AHI1: variants seen among roughly 807,000 people sequenced by gnomAD.
The protein encoded by AHI1 is jouberin.
Under a neutral mutation model 149.3 loss-of-function variants are expected in AHI1, and 123 were observed. The ratio of observed to expected loss-of-function variants is 0.82; its 90% CI spans 0.71 to 0.96. The LOEUF (loss-of-function observed/expected upper bound fraction) is 0.96, where lower values mean the gene tolerates loss of function less well. Ranked by LOEUF, AHI1 falls within the 40% of genes least tolerant of loss-of-function variation. AHI1 has a pLI of 0.00. For missense variants in AHI1, 1,439 were observed against 1,422.7 expected (o/e 1.01, Z -0.18); for synonymous variants, 475 against 459.8 (o/e 1.03, Z -0.42).
intron 22 of AHI1, among the ~76,000 whole-genome samples, chr6:135,398,711 C>G (rs938576301): frequency 6.6e-6 from 1 of 152,136 alleles, no homozygotes; most frequent in African/African-American, 2.4e-5. Context: ...TAGTTCACTG[C>G]CTTGCTTCAC....
At chr6:135,303,903 C>G (rs1471544874) in intron 26 of AHI1, among the ~76,000 whole-genome samples, 1 of 152,156 alleles carries the variant, frequency 6.6e-6, no homozygotes, top group East Asian at 1.9e-4. Flanking sequence ...TATACAAGCT[C>G]TAAACAAGAC....
chr6:135,477,580 C>T (rs570864821), intron 5 of AHI1, among the ~76,000 whole-genome samples: 3 of 152,156 alleles, frequency 2.0e-5, no homozygotes, highest in East Asian at 1.9e-4. Flanking sequence ...ATCATGGGGA[C>T]GGATATCCCC....
At position 135,459,248 on chromosome 6, in the gene AHI1, T is replaced by C. The variant is rs116400168; in HGVS notation, c.932-1535A>G. Among the ~76,000 whole-genome samples the C allele has an allele frequency of 3.5e-3, 527 of 152,250 alleles. 3 individuals carry two copies. The highest frequency in any genetic ancestry group is 0.012 in the African/African-American group (480 of 41,548). On this transcript the variant is annotated intron_variant, in intron 8 of 28. Transcript: ENST00000265602. ...GATAACTAGAAAAGCATCTGCTGCC[T>C]GAAACTAAGCAACATACTTCTAAAT...
Position 135,315,384 on chromosome 6 carries a change from G to T in AHI1, c.3426+3135C>A, listed in dbSNP as rs1785789022. ...CCGTGTGATGCTATGCCTCTACCTG[G>T]GCCCCGGTAGCTTGCTGTAACCTTG... On this transcript the variant is annotated intron_variant, in intron 26 of 28. Coordinates refer to ENST00000265602, the MANE Select transcript of AHI1 (RefSeq NM_001134831.2). 2.6e-5 allele frequency among the ~76,000 whole-genome samples: 4 copies of T among 152,228 alleles called. No homozygotes were observed. The South Asian group carries it at 8.3e-4, about 32-fold the overall frequency.
chr6:135,347,450 A>C (rs1273066957), intron 24 of AHI1, among the ~76,000 whole-genome samples: 1 of 152,150 alleles, frequency 6.6e-6, no homozygotes, highest in African/African-American at 2.4e-5. Context: ...GCTTTTAGAG[A>C]GTTAATATTT....
At chr6:135,309,273 C>A (rs573567514) in intron 26 of AHI1, among the ~76,000 whole-genome samples, 1 of 152,276 alleles carries the variant, frequency 6.6e-6, no homozygotes, top group East Asian at 1.9e-4. Context: ...TGTTACATCA[C>A]TGGGATACCA....
intron 15 of AHI1, 80 bp downstream of exon 15, chr6:135,438,295 G>A (rs906935213): frequency 3.1e-6 from 4 of 1,290,606 alleles, no homozygotes; most frequent in Admixed American, 5.2e-5. Context: ...GAGCATAAGA[G>A]TAGTTACATC....
chr6:135,395,860 A>ATT (rs3840170), intron 22 of AHI1, among the ~76,000 whole-genome samples: 6 of 151,460 alleles, frequency 4.0e-5, no homozygotes, highest in Non-Finnish European at 8.9e-5. Context: ...CCCCTTTCCC[A>ATT]TTTTTTTGTT....
intron 7 of AHI1, among the ~76,000 whole-genome samples, chr6:135,464,874 CAG>C (rs1451388448): frequency 2.0e-5 from 3 of 152,194 alleles, no homozygotes; most frequent in Non-Finnish European, 4.4e-5. Flanking sequence ...CTGTGATTGA[CAG>C]AGACACCCAG....
In AHI1 at chr6:135,350,089, C is replaced by A. The variant is rs115149138; in HGVS notation, c.3165+8043G>T. 7.7e-3 allele frequency among the ~76,000 whole-genome samples: 1,179 copies of A among 152,318 alleles called. 21 individuals are homozygous for A. Among genetic ancestry groups the A allele is most frequent in the African/African-American group, 0.027 (1,124 of 41,574 alleles). On this transcript the variant is annotated intron_variant, in intron 24 of 28. Coordinates refer to ENST00000265602, the MANE Select transcript of AHI1 (RefSeq NM_001134831.2). ...CATTCTATATAGGTTTATCTCATGG[C>A]AGTCCTTTTGGCAAAATGCTTTCTT...
chr6:135,427,786 T>C (rs17721919), intron 19 of AHI1, among the ~76,000 whole-genome samples: 3,675 of 151,488 alleles, frequency 0.024, 66 homozygotes, highest in East Asian at 0.054. Flanking sequence ...AAGATACCTA[T>C]GACTATGGCC....
At chr6:135,386,755 C>T (rs141865274) in intron 23 of AHI1, among the ~76,000 whole-genome samples, 3,418 of 152,090 alleles carry the variant, frequency 0.022, 58 homozygotes, top group East Asian at 0.053. Flanking sequence ...CTAAGCCTCC[C>T]GAGTAGCTGG....
rs1363317704 is a variant in AHI1, at chr6:135,403,731, A to C, written c.2988+1220T>G. Reference sequence around the variant, plus strand: ...TGGAGCTACAATCATTACACCAATCATTGCTATCAGGAACGTTTCCTGAAC... The same window carrying C: ...TGGAGCTACAATCATTACACCAATCCTTGCTATCAGGAACGTTTCCTGAAC... On this transcript the variant is annotated intron_variant, in intron 22 of 28. Transcript: ENST00000265602. 2.6e-5 allele frequency among the ~76,000 whole-genome samples: 4 copies of C among 152,166 alleles called. No individual in the cohort carries two copies. In the East Asian group the frequency reaches 7.7e-4, roughly 29 times the overall value.
At position 135,385,724 on chromosome 6, in the gene AHI1, C is replaced by G. The variant is rs537731100; in HGVS notation, c.3109+9052G>C. Among the ~76,000 whole-genome samples, 32 of 152,270 alleles carry G rather than the reference C, an allele frequency of 2.1e-4. No individual in the cohort carries two copies. The South Asian group carries it at 4.4e-3, about 21-fold the overall frequency. ...AAACCAGGAGAAGTAACAGAAGATT[C>G]ATTTGTACAATACGTAAGCTAAACA... is the stretch of plus-strand genomic sequence containing the variant. On this transcript the variant is annotated intron_variant, in intron 23 of 28. Transcript: ENST00000265602.
chr6:135,340,383 C>A (rs1299340231), intron 24 of AHI1, among the ~76,000 whole-genome samples: 2 of 149,462 alleles, frequency 1.3e-5, no homozygotes, highest in Non-Finnish European at 3.0e-5. Context: ...AAAACAAAAA[C>A]CAAAACAAAA....
chr6:135,405,251 T>A lies in AHI1; in HGVS notation c.2962-274A>T, dbSNP rs56195115. 0.012 allele frequency among the ~76,000 whole-genome samples: 1,778 copies of A among 152,258 alleles called. 40 individuals carry two copies. The highest frequency in any genetic ancestry group is 0.041 in the African/African-American group (1,691 of 41,540). Reference sequence around the variant, plus strand: ...CAAGAAAAACTTGCTCTTCAATCAATAGAATAAAATTCTATACTAGAACAC... The same window carrying A: ...CAAGAAAAACTTGCTCTTCAATCAAAAGAATAAAATTCTATACTAGAACAC... On this transcript the variant is annotated intron_variant, in intron 21 of 28. Transcript: ENST00000265602.
chr6:135,388,198 C>G (rs976026901), intron 23 of AHI1, among the ~76,000 whole-genome samples: 4 of 152,084 alleles, frequency 2.6e-5, no homozygotes, highest in Non-Finnish European at 5.9e-5. Flanking sequence ...CCTATTGTAC[C>G]ACCTGAAACA....
At chr6:135,370,172 T>C (rs1774812466) in intron 23 of AHI1, among the ~76,000 whole-genome samples, 1 of 152,194 alleles carries the variant, frequency 6.6e-6, no homozygotes, top group Non-Finnish European at 1.5e-5. Flanking sequence ...CACCATTTCC[T>C]TTTTCAGAAA....
At chr6:135,368,522 G>A (rs952952903) in intron 23 of AHI1, among the ~76,000 whole-genome samples, 1 of 152,134 alleles carries the variant, frequency 6.6e-6, no homozygotes, top group African/African-American at 2.4e-5. Context: ...GGGGGCACCC[G>A]CAGGATTAGG....
Sources: allele counts gnomAD v4.1 joint callset (sites outside exome capture counted in the v4.1 genomes callset), GRCh38; gene constraint gnomAD v4.1.1; transcripts MANE v1.5; gene names NCBI Gene and HGNC (gene_info 2026-07-23, HGNC 2026-07-21).